OTOA: variants seen among roughly 807,000 people sequenced by gnomAD.
OTOA encodes the protein otoancorin, also known as cancer/testis antigen 108.
OTOA carries 70 observed loss-of-function variants against 110.8 expected under a neutral mutation model. The ratio of observed to expected loss-of-function variants is 0.63; its 90% CI spans 0.52 to 0.77. OTOA has a LOEUF of 0.77. Among genes scored for constraint, OTOA ranks in the 30% least tolerant of loss-of-function variants. The pLI, the probability that OTOA is intolerant of heterozygous loss-of-function variation, is 0.00. For synonymous variants in OTOA, 373 were observed against 431.5 expected (o/e 0.86, Z 1.68); for missense variants, 917 against 1,075.8 (o/e 0.85, Z 2.06).
intron 17 of OTOA, 90 bp downstream of exon 17, chr16:21,719,594 GC>G: frequency 8.2e-7 from 1 of 1,222,518 alleles, no homozygotes; most frequent in Non-Finnish European, 1.2e-6. Context: ...AGATCTTTAT[GC>G]CAGAATCATT....
At chr16:21,701,733 C>T (rs1203010077) in intron 11 of OTOA, among the ~76,000 whole-genome samples, 1 of 152,060 alleles carries the variant, frequency 6.6e-6, no homozygotes, top group Non-Finnish European at 1.5e-5. Context: ...ATCCTCATGC[C>T]TCAGCCTCCA....
chr16:21,700,740 G>GAAAAGAA (rs1401875572), intron 10 of OTOA, 148 bp from the exon 11 acceptor site: 1 of 597,656 alleles, frequency 1.7e-6, no homozygotes, highest in Non-Finnish European at 2.7e-6. Flanking sequence ...AAAAAAAAAA[G>GAAAAGAA]AAAAGAAAAA....
At chr16:21,723,032 C>A in intron 18 of OTOA, 54 bp downstream of exon 18, 1 of 1,566,026 alleles carries the variant, frequency 6.4e-7, no homozygotes, top group Non-Finnish European at 8.8e-7. Context: ...CGGTGGGAAT[C>A]ACTGAAGTCA....
rs533627878 is a variant in OTOA at position 21,674,495 on chromosome 16, G to T, written c.-4-4016G>T. ...ACTACAGGCATGAGCCACCATGCCC[G>T]GCTAATATTTGTATTTTTAGTAGAG... On this transcript the variant is annotated intron_variant, in intron 1 of 28. Transcript: ENST00000646100. Among the ~76,000 whole-genome samples the T allele has an allele frequency of 2.3e-4, 35 of 151,902 alleles. No homozygotes were observed. The East Asian group carries it at 6.8e-3, about 29-fold the overall frequency.
chr16:21,733,927 G>A (rs559319563), intron 21 of OTOA, among the ~76,000 whole-genome samples: 14 of 152,148 alleles, frequency 9.2e-5, no homozygotes, highest in Non-Finnish European at 1.8e-4. Flanking sequence ...AGCCTCCTGA[G>A]TAGCAGGGAT....
rs774967818 is a variant in OTOA at position 21,728,261 on chromosome 16, G to T, written c.2037G>T (p.Glu679Asp). The change falls in exon 20 of 29, where the codon GAG (glutamate) becomes GAT (aspartate). Residue 679 changes from glutamate to aspartate, a missense_variant. By Grantham distance (45) the Glu-to-Asp change is conservative (BLOSUM62 2). Coordinates refer to ENST00000646100, the MANE Select transcript of OTOA (RefSeq NM_144672.4). ...QQCLDDSIAD[E>D]YTVDIMGNLL... ...TTCAGGACGACTCCATTGCTGATGAGTACACTGTGGACATCATGGGGAACC... is the reference window on the plus strand; with the variant it reads ...TTCAGGACGACTCCATTGCTGATGATTACACTGTGGACATCATGGGGAACC... 2.5e-6 allele frequency: 4 copies of T among 1,614,056 alleles called. No homozygotes were observed. Among genetic ancestry groups the T allele is most frequent in the Non-Finnish European group, 3.4e-6 (4 of 1,180,022 alleles).
intron 12 of OTOA, 87 bp downstream of exon 12, chr16:21,705,379 G>A (rs1444517888): frequency 6.3e-7 from 1 of 1,599,984 alleles, no homozygotes; most frequent in Non-Finnish European, 8.5e-7. Flanking sequence ...TAGCCTTTGG[G>A]AGAAAACACA....
In OTOA at chr16:21,715,106, A is replaced by T. The variant is rs775510738; in HGVS notation, c.1442A>T (p.Tyr481Phe). The T allele has an allele frequency of 6.2e-7, 1 of 1,614,196 alleles. No individual in the cohort carries two copies. Residue 481 changes from tyrosine (Y) to phenylalanine (F), a missense_variant, in exon 14 of 29, where the codon TAT becomes TTT. By Grantham distance (22) the Tyr-to-Phe change is conservative (BLOSUM62 3). This residue lies in a region of OTOA where 840 missense variants were observed against 910.2 expected (regional missense o/e 0.92). Transcript: ENST00000646100. ...SQVLRSAVSQ[Y>F]VSDLSPAQQQ... ...GTCCTGAGAAGTGCCGTCTCCCAGT[A>T]TGTATCCGACTTGTCACCTGCCCAG...
At chr16:21,722,689 G>A (rs1898794258) in intron 17 of OTOA, among the ~76,000 whole-genome samples, 1 of 152,120 alleles carries the variant, frequency 6.6e-6, no homozygotes, top group Non-Finnish European at 1.5e-5. Context: ...AAATTGCGAT[G>A]AGCATTCTCA....
rs772053837 is a variant in OTOA, at chr16:21,685,283, GGAGGACCTGAGGAAGACA to G, written c.324_341del (p.Glu108_Thr113del). Reference sequence around the variant, plus strand: ...GTCTGCACCAGCCCCAGAAGCTGCTGGAGGACCTGAGGAAGACAGACGCCCAGCAGTTCCGCACTGCCA... The same window carrying G: ...GTCTGCACCAGCCCCAGAAGCTGCTGGACGCCCAGCAGTTCCGCACTGCCA... On this transcript the variant is annotated inframe_deletion, in exon 7 of 29. Transcript: ENST00000646100. 7.3e-5 allele frequency: 117 copies of G among 1,613,216 alleles called. 1 individual carries two copies. The highest frequency in any genetic ancestry group is 9.5e-5 in the Non-Finnish European group (112 of 1,179,514).
intron 18 of OTOA, among the ~76,000 whole-genome samples, chr16:21,723,220 AT>A (rs1898813666): frequency 6.6e-6 from 1 of 152,168 alleles, no homozygotes; most frequent in African/African-American, 2.4e-5. Flanking sequence ...CCAAGCCTGA[AT>A]GAGTGTCAGT....
At chr16:21,736,909 G>A (rs528797859) in intron 22 of OTOA, among the ~76,000 whole-genome samples, 91 of 152,156 alleles carry the variant, frequency 6.0e-4, no homozygotes, top group African/African-American at 1.8e-3. Context: ...GGTTTAATGC[G>A]TGAATATGTG....
intron 12 of OTOA, 55 bp from the exon 13 acceptor site, chr16:21,709,833 G>T: frequency 6.7e-7 from 1 of 1,488,990 alleles, no homozygotes; most frequent in Non-Finnish European, 9.4e-7. Context: ...TATGGTCAGA[G>T]GGAGCCACCG....
intron 17 of OTOA, among the ~76,000 whole-genome samples, chr16:21,721,050 G>A (rs925068311): frequency 1.3e-5 from 2 of 151,490 alleles, no homozygotes; most frequent in Non-Finnish European, 2.9e-5. Flanking sequence ...GTCTAACTGG[G>A]ATTCTAGGTG....
chr16:21,685,271 C>T lies in OTOA; in HGVS notation c.309C>T (p.Pro103=), dbSNP rs1339717583. The T allele has an allele frequency of 3.1e-6, 5 of 1,613,162 alleles. No homozygotes were observed. Among genetic ancestry groups the T allele is most frequent in the Non-Finnish European group, 3.4e-6 (4 of 1,179,404 alleles). Reference sequence around the variant, plus strand: ...ACCTGGAGCAGCGTCTGCACCAGCCCCAGAAGCTGCTGGAGGACCTGAGGA... The same window carrying T: ...ACCTGGAGCAGCGTCTGCACCAGCCTCAGAAGCTGCTGGAGGACCTGAGGA... ...ENHLEQRLHQ[P]QKLLEDLRKT... The change falls in exon 7 of 29, where the codon CCC becomes CCT. Residue 103 remains proline (P), a synonymous_variant. Coordinates refer to ENST00000646100, the MANE Select transcript of OTOA (RefSeq NM_144672.4).
At chr16:21,684,358 G>A (rs1002939269) in intron 6 of OTOA, 11 of 1,399,698 alleles carry the variant, frequency 7.9e-6, no homozygotes, top group Non-Finnish European at 1.0e-5. Context: ...GACAGCAGAG[G>A]AAATCTCTTT....
intron 17 of OTOA, among the ~76,000 whole-genome samples, chr16:21,720,640 G>A (rs1898700927): frequency 6.6e-6 from 1 of 152,154 alleles, no homozygotes; most frequent in Non-Finnish European, 1.5e-5. Context: ...TAGGTAAGGG[G>A]TGAGGCCTAA....
chr16:21,695,756 C>T (rs899318474), intron 9 of OTOA, among the ~76,000 whole-genome samples: 8 of 151,118 alleles, frequency 5.3e-5, no homozygotes, highest in African/African-American at 1.9e-4. Flanking sequence ...TTCATTTTCC[C>T]CAAATGCCTC....
intron 14 of OTOA, 84 bp downstream of exon 14, chr16:21,715,236 A>G (rs557093843): frequency 1.0e-5 from 16 of 1,574,410 alleles, no homozygotes; most frequent in Admixed American, 1.7e-5. Flanking sequence ...ACTTTGGGCC[A>G]TGAACCCAGG....
Sources: allele counts gnomAD v4.1 joint callset (sites outside exome capture counted in the v4.1 genomes callset), GRCh38; gene constraint gnomAD v4.1.1; regional missense constraint gnomAD v4.1.1; transcripts MANE v1.5; gene names NCBI Gene and HGNC (gene_info 2026-07-23, HGNC 2026-07-21).